DAPK1: variants seen among roughly 807,000 people sequenced by gnomAD.
The protein encoded by DAPK1 is death associated protein kinase 1.
In DAPK1, 56 loss-of-function variants were observed where a neutral mutation model predicts 144.9. The ratio of observed to expected loss-of-function variants is 0.39; its 90% CI spans 0.31 to 0.48. The LOEUF is 0.48. Ranked by LOEUF, DAPK1 falls within the 20% of genes least tolerant of loss-of-function variation. The pLI is 0.95. For synonymous variants in DAPK1, 690 were observed against 749.0 expected (o/e 0.92, Z 1.29); for missense variants, 1,454 against 1,875.4 (o/e 0.78, Z 4.15).
chr9:87,704,761 A>G (rs1485504944), intron 25 of DAPK1, among the ~76,000 whole-genome samples: 4 of 152,164 alleles, frequency 2.6e-5, no homozygotes, highest in Non-Finnish European at 4.4e-5. Flanking sequence ...TCAATTCTGA[A>G]TAGACTCTTA....
rs563988894 is a variant in DAPK1, at chr9:87,556,958, T to A, written c.63-47996T>A. 2.0e-5 allele frequency among the ~76,000 whole-genome samples: 3 copies of A among 152,266 alleles called. No individual in the cohort carries two copies. In the South Asian group the frequency reaches 6.2e-4, roughly 32 times the overall value. On this transcript the variant is annotated intron_variant, in intron 2 of 25. Transcript: ENST00000408954. The stretch of plus-strand genomic sequence containing the variant: ...GTGGGAGAGGAGCTTCTCTGAGATG[T>A]GTTATCAGGAACCTTGGCGGAGGTG...
rs373383983 is a variant in DAPK1, at chr9:87,700,237, G to A, written c.2871G>A (p.Ser957=). 83 of 1,611,262 alleles carry A rather than the reference G, an allele frequency of 5.2e-5. No individual in the cohort carries two copies. Among genetic ancestry groups the A allele is most frequent in the Middle Eastern group, 1.6e-4 (1 of 6,076 alleles). ...AAGAAATACGAAGCCAGATTGTTTC[G>A]GTAAGTACACCATGGAAAGAGCCTG... The part of the protein sequence containing the change: ...HLQEIRSQIV[S]VCPPMTHLCE... Residue 957 remains serine (S), a splice_region_variant and synonymous_variant, in exon 24 of 26, where the codon TCG becomes TCA. Transcript: ENST00000408954.
At position 87,703,179 on chromosome 9, in the gene DAPK1, C is replaced by T. The variant is rs1825517176; in HGVS notation, c.3022C>T (p.Leu1008Phe). Residue 1008 changes from leucine to phenylalanine, a missense_variant, in exon 25 of 26, where the codon CTC (leucine) becomes TTC (phenylalanine). Physicochemically the swap from Leu to Phe is conservative, Grantham distance 22 (BLOSUM62 0). Transcript: ENST00000408954. ...GAACCCCCTGGCCAGCGAGGAGGAC[C>T]TCAGGCGCATTGCTCAGCAGCTCCA... Reference protein sequence around the residue: ...QLNPLASEEDLRRIAQQLHST... With the variant: ...QLNPLASEEDFRRIAQQLHST... The T allele has an allele frequency of 5.0e-6, 8 of 1,612,730 alleles. No individual in the cohort carries two copies. The highest frequency in any genetic ancestry group is 5.1e-6 in the Non-Finnish European group (6 of 1,178,788).
At chr9:87,573,661 A>T (rs1405268201) in intron 2 of DAPK1, among the ~76,000 whole-genome samples, 1 of 152,196 alleles carries the variant, frequency 6.6e-6, no homozygotes, top group Non-Finnish European at 1.5e-5. Flanking sequence ...TCAGCACTTT[A>T]TGTCAGTGTC....
chr9:87,511,581 C>G (rs773940209), intron 2 of DAPK1, among the ~76,000 whole-genome samples: 12 of 152,112 alleles, frequency 7.9e-5, no homozygotes, highest in African/African-American at 1.2e-4. Flanking sequence ...CCTGGTGTTA[C>G]AGGGAACCTG....
chr9:87,508,242 C>G (rs2118071816), intron 2 of DAPK1, among the ~76,000 whole-genome samples: 1 of 151,958 alleles, frequency 6.6e-6, no homozygotes, highest in East Asian at 1.9e-4. Context: ...GAACTCCTGA[C>G]CTCAGGTGAT....
intron 2 of DAPK1, among the ~76,000 whole-genome samples, chr9:87,571,037 T>A (rs1165862438): frequency 6.6e-6 from 1 of 152,156 alleles, no homozygotes; most frequent in African/African-American, 2.4e-5. Context: ...CTCTTGAAAG[T>A]TTAGCACTTG....
intron 18 of DAPK1, among the ~76,000 whole-genome samples, chr9:87,661,336 G>C (rs530343194): frequency 2.8e-4 from 43 of 152,260 alleles, no homozygotes; most frequent in African/African-American, 9.4e-4. Flanking sequence ...CCAGTAGTAG[G>C]GTTGCTGGAA....
intron 3 of DAPK1, among the ~76,000 whole-genome samples, chr9:87,622,630 G>C (rs114504154): frequency 6.6e-6 from 1 of 152,116 alleles, no homozygotes; most frequent in African/African-American, 2.4e-5. Flanking sequence ...AAAAAAATAG[G>C]CTGGGTGCTG....
chr9:87,603,593 C>T (rs1369535352), intron 2 of DAPK1, among the ~76,000 whole-genome samples: 1 of 152,186 alleles, frequency 6.6e-6, no homozygotes, highest in African/African-American at 2.4e-5. Context: ...CCTTAATTTG[C>T]TTTTCTCTCT....
intron 3 of DAPK1, among the ~76,000 whole-genome samples, chr9:87,613,755 G>T (rs530669781): frequency 1.3e-5 from 2 of 152,284 alleles, no homozygotes; most frequent in Admixed American, 1.3e-4. Flanking sequence ...GGGGTGTGTG[G>T]CACAGAGCCC....
In DAPK1 at chr9:87,560,931, G is replaced by A. The variant is rs536446132; in HGVS notation, c.63-44023G>A. 9.3e-4 allele frequency among the ~76,000 whole-genome samples: 142 copies of A among 152,216 alleles called. 1 individual carries two copies. Among genetic ancestry groups the A allele is most frequent in the Middle Eastern group, 3.4e-3 (1 of 294 alleles). On this transcript the variant is annotated intron_variant, in intron 2 of 25. Transcript: ENST00000408954. ...TCCACCCACCTCGGCCTCACAAAGT[G>A]TTGGGATTACCAGTGTGAGCCACCG...
intron 2 of DAPK1, among the ~76,000 whole-genome samples, chr9:87,514,625 G>A (rs1211589643): frequency 6.6e-6 from 1 of 152,230 alleles, no homozygotes; most frequent in Non-Finnish European, 1.5e-5. Flanking sequence ...TGAGTGACAT[G>A]AATGAATGAT....
At chr9:87,701,682 T>G (rs1825458815) in intron 24 of DAPK1, among the ~76,000 whole-genome samples, 3 of 151,558 alleles carry the variant, frequency 2.0e-5, no homozygotes, top group South Asian at 4.2e-4. Flanking sequence ...GGCAGATGCC[T>G]GTCTCCCTCT....
At chr9:87,623,332 G>C (rs1276087061) in intron 3 of DAPK1, among the ~76,000 whole-genome samples, 11 of 152,114 alleles carry the variant, frequency 7.2e-5, no homozygotes, top group Admixed American at 5.9e-4. Flanking sequence ...CACACAGGCT[G>C]GACCTTAATG....
chr9:87,555,215 C>T (rs1826661753), intron 2 of DAPK1, among the ~76,000 whole-genome samples: 1 of 152,202 alleles, frequency 6.6e-6, no homozygotes, highest in Admixed American at 6.5e-5. Context: ...AAACCCAGTT[C>T]CTGATCTAGC....
chr9:87,706,267 G>C lies in DAPK1; in HGVS notation c.3196G>C (p.Val1066Leu), dbSNP rs200178571. ...ALHHYRGRYT[V>L]EDIQRLVPDS... The stretch of plus-strand genomic sequence containing the variant: ...GCACCACTACCGGGGCCGCTACACC[G>C]TGGAGGACATCCAGCGCCTGGTGCC... The change falls in exon 26 of 26, where the codon GTG (valine) becomes CTG (leucine). Residue 1066 changes from valine (V) to leucine (L), a missense_variant. Transcript: ENST00000408954. This position sits in a 1 kb window ranked among gnomAD's most constrained non-coding sequence, Gnocchi z 9.0. 1 of 1,613,340 alleles carries C rather than the reference G, an allele frequency of 6.2e-7. No individual in the cohort carries two copies. Among genetic ancestry groups the C allele is most frequent in the Non-Finnish European group, 8.5e-7 (1 of 1,179,612 alleles).
At chr9:87,567,307 C>G (rs541880081) in intron 2 of DAPK1, among the ~76,000 whole-genome samples, 1 of 152,136 alleles carries the variant, frequency 6.6e-6, no homozygotes, top group South Asian at 2.1e-4. Flanking sequence ...GCTGATAGGC[C>G]CTGGAAAAGG....
chr9:87,497,276 T>A (rs1436451611), upstream of DAPK1: 1 of 152,198 alleles, frequency 6.6e-6, no homozygotes, highest in Non-Finnish European at 1.5e-5. Flanking sequence ...CCAACACCAG[T>A]CCGGCAGAGG....
Sources: allele counts gnomAD v4.1 joint callset (sites outside exome capture counted in the v4.1 genomes callset), GRCh38; gene constraint gnomAD v4.1.1; non-coding constraint Gnocchi (gnomAD v3.1); transcripts MANE v1.5; gene names NCBI Gene and HGNC (gene_info 2026-07-23, HGNC 2026-07-21).